Variants in KCNU1 observed in about 807,000 individuals in gnomAD.
KCNU1 encodes potassium channel subfamily U member 1.
In KCNU1, 93 loss-of-function variants were observed where a neutral mutation model predicts 126.8. That is an observed-to-expected ratio of 0.73 (90% confidence interval 0.62 to 0.87). The LOEUF is 0.87. KCNU1 is among the 40% of genes least tolerant of loss of function. The probability of loss-of-function intolerance (pLI) is 0.00; values close to 1 mark genes in which losing one functional copy is unlikely to be tolerated. For synonymous variants in KCNU1, 523 were observed against 494.2 expected, an observed-to-expected ratio of 1.06 and a Z score of -0.77; for missense variants, 1,330 against 1,367.1, an observed-to-expected ratio of 0.97 and a Z score of 0.43.
chr8:36,827,240 C>T (rs1022566367), intron 10 of KCNU1, among the ~76,000 whole-genome samples: 4 of 152,198 alleles, frequency 2.6e-5, no homozygotes, highest in African/African-American at 9.6e-5. Context: ...CTCTGTACTT[C>T]CCAGGTGACA....
chr8:36,828,026 C>A (rs1035366668), intron 10 of KCNU1, among the ~76,000 whole-genome samples: 2 of 152,072 alleles, frequency 1.3e-5, no homozygotes, highest in Non-Finnish European at 2.9e-5. Context: ...CTGAATATTA[C>A]ATGTTTTTGA....
intron 2 of KCNU1, among the ~76,000 whole-genome samples, chr8:36,801,408 G>A (rs905621379): frequency 2.0e-5 from 3 of 149,238 alleles, no homozygotes; most frequent in Admixed American, 6.7e-5. Flanking sequence ...TTGGGTTTGT[G>A]GTATTCAATT....
chr8:36,902,959 T>C (rs975903320), intron 19 of KCNU1, among the ~76,000 whole-genome samples: 2 of 152,170 alleles, frequency 1.3e-5, no homozygotes, highest in African/African-American at 2.4e-5. Context: ...ATATGTTACA[T>C]TGTCTAGCTA....
chr8:36,827,794 C>T (rs1159243295), intron 10 of KCNU1, among the ~76,000 whole-genome samples: 1 of 152,074 alleles, frequency 6.6e-6, no homozygotes, highest in Non-Finnish European at 1.5e-5. Flanking sequence ...CTCATAAGGA[C>T]TGATAATTTC....
intron 10 of KCNU1, among the ~76,000 whole-genome samples, chr8:36,824,785 A>T (rs1585419629): frequency 2.0e-5 from 3 of 152,054 alleles, no homozygotes; most frequent in Admixed American, 2.0e-4. Flanking sequence ...TATGTTTGTT[A>T]TATTTATCCA....
chr8:36,899,196 G>A (rs1357136849), intron 19 of KCNU1, among the ~76,000 whole-genome samples: 2 of 152,064 alleles, frequency 1.3e-5, no homozygotes, highest in African/African-American at 2.4e-5. Flanking sequence ...GGGCTTAGAT[G>A]TGGGTTTATC....
intron 23 of KCNU1, among the ~76,000 whole-genome samples, chr8:36,920,729 C>T (rs371245112): frequency 7.2e-5 from 11 of 152,176 alleles, no homozygotes; most frequent in South Asian, 4.2e-4. Flanking sequence ...TGTGTGCGTG[C>T]GCGCACGTGC....
chr8:36,895,223 C>T (rs1168655626), intron 19 of KCNU1, among the ~76,000 whole-genome samples: 2 of 151,972 alleles, frequency 1.3e-5, no homozygotes, highest in East Asian at 3.9e-4. Context: ...GGATTACAGG[C>T]ACTGACCACC....
intron 10 of KCNU1, among the ~76,000 whole-genome samples, chr8:36,825,477 T>C (rs1306738423): frequency 6.6e-6 from 1 of 152,174 alleles, no homozygotes. Context: ...TAACCTTTTG[T>C]TCTATTTATC....
intron 22 of KCNU1, among the ~76,000 whole-genome samples, chr8:36,915,065 A>G (rs1467989347): frequency 6.6e-6 from 1 of 152,204 alleles, no homozygotes; most frequent in Admixed American, 6.5e-5. Context: ...AGATTTTCAT[A>G]CAGCTGCTTC....
At chr8:36,870,010 T>C (rs1563306235) in intron 19 of KCNU1, among the ~76,000 whole-genome samples, 2 of 152,128 alleles carry the variant, frequency 1.3e-5, no homozygotes, top group East Asian at 1.9e-4. Context: ...ATGCAGTAGT[T>C]ACCATTGGTA....
intron 7 of KCNU1, among the ~76,000 whole-genome samples, chr8:36,811,234 A>G (rs1803698438): frequency 6.6e-6 from 1 of 152,210 alleles, no homozygotes; most frequent in African/African-American, 2.4e-5. Context: ...ATGGCACCAG[A>G]AAGATGTTTT....
chr8:36,824,955 T>C lies in KCNU1; in HGVS notation c.1106+7195T>C, dbSNP rs551672746. The stretch of plus-strand genomic sequence containing the variant: ...GAATGGTGCTGTGCAAATTTTTGTA[T>C]ATGTATCTTGGTACCCAAAAATATA... On this transcript the variant is annotated intron_variant, in intron 10 of 26. Coordinates refer to ENST00000399881, the MANE Select transcript of KCNU1 (RefSeq NM_001031836.3). Among the ~76,000 whole-genome samples, 27 of 152,328 alleles carry C rather than the reference T, an allele frequency of 1.8e-4. No individual in the cohort carries two copies. The South Asian group carries it at 5.2e-3, about 29-fold the overall frequency.
rs773213735 is a variant in KCNU1 at position 36,935,702 on chromosome 8, A to G, written c.3232A>G (p.Ile1078Val). Residue 1078 changes from isoleucine to valine, a missense_variant, in exon 27 of 27, where the codon ATT becomes GTT. By Grantham distance (29) the Ile-to-Val change is conservative. Around this residue, in one of 3 missense-constraint regions of KCNU1, gnomAD observed 1,054 missense variants for 1,053.9 expected, o/e 1.00. Coordinates refer to ENST00000399881, the MANE Select transcript of KCNU1 (RefSeq NM_001031836.3). ...THSDTNCPPT[I>V]DSVTETLYSP... ...TTCAGACACAAATTGTCCTCCCACCATTGATTCAGTTACTGAGACATTGTA... is the reference window on the plus strand; with the variant it reads ...TTCAGACACAAATTGTCCTCCCACCGTTGATTCAGTTACTGAGACATTGTA... 1 of 1,613,320 alleles carries G rather than the reference A, an allele frequency of 6.2e-7. No individual in the cohort carries two copies. The highest frequency in any genetic ancestry group is 1.1e-5 in the South Asian group (1 of 91,046).
At chr8:36,851,239 C>A (rs1022331514) in intron 18 of KCNU1, among the ~76,000 whole-genome samples, 1 of 152,090 alleles carries the variant, frequency 6.6e-6, no homozygotes, top group Non-Finnish European at 1.5e-5. Flanking sequence ...CAAATCTCAT[C>A]TTGAATTGTA....
chr8:36,863,712 A>G (rs1311401410), intron 18 of KCNU1, among the ~76,000 whole-genome samples: 1 of 152,126 alleles, frequency 6.6e-6, no homozygotes, highest in African/African-American at 2.4e-5. Flanking sequence ...ATATGGGTTC[A>G]GGAAGAAGTA....
chr8:36,797,230 G>T (rs771393127), intron 2 of KCNU1, among the ~76,000 whole-genome samples: 1 of 152,064 alleles, frequency 6.6e-6, no homozygotes, highest in Non-Finnish European at 1.5e-5. Flanking sequence ...GTTGCAAGGA[G>T]AATTCTATCA....
Position 36,840,492 on chromosome 8 carries a change from C to T in KCNU1, c.1548C>T (p.His516=), listed in dbSNP as rs200094024. The T allele has an allele frequency of 1.4e-5, 23 of 1,608,644 alleles. No homozygotes were observed. Among genetic ancestry groups the T allele is most frequent in the African/African-American group, 5.3e-5 (4 of 74,828 alleles). Residue 516 remains histidine (H), a synonymous_variant, in exon 15 of 27, where the codon CAC becomes CAT. Transcript: ENST00000399881. The part of the protein sequence containing the change: ...KVMPKQTWKK[H]FLNSMKNKIL... ...TGCCTAAACAGACCTGGAAGAAACA[C>T]TTCTTGAATAGCATGAAAAACAAAA...
chr8:36,858,247 T>C (rs1805605471), intron 18 of KCNU1, among the ~76,000 whole-genome samples: 1 of 144,824 alleles, frequency 6.9e-6, no homozygotes, highest in South Asian at 2.3e-4. Context: ...CATACTGAAA[T>C]CCCTATTTCT....
Sources: allele counts gnomAD v4.1 joint callset (sites outside exome capture counted in the v4.1 genomes callset), GRCh38; gene constraint gnomAD v4.1.1; regional missense constraint gnomAD v4.1.1; transcripts MANE v1.5; gene names NCBI Gene and HGNC (gene_info 2026-07-23, HGNC 2026-07-21).